The following WAC variants were observed in gnomAD, a reference collection of about 807,000 sequenced individuals.
The protein encoded by WAC is WW domain-containing adapter protein with coiled-coil.
WAC carries 11 observed loss-of-function variants against 79.6 expected under a neutral mutation model. The ratio of observed to expected loss-of-function variants is 0.14; its 90% confidence interval spans 0.09 to 0.23. The LOEUF (loss-of-function observed/expected upper bound fraction) is 0.23. Among genes scored for constraint, WAC ranks in the 10% least tolerant of loss-of-function variants. The probability of loss-of-function intolerance (pLI) is 1.00; values close to 1 mark genes in which losing one functional copy is unlikely to be tolerated. For missense variants in WAC, 728 were observed against 773.5 expected (o/e 0.94, Z 0.70); for synonymous variants, 304 against 276.9 (o/e 1.10, Z -0.97).
Position 28,590,764 on chromosome 10 carries a change from T to A in WAC, c.542T>A (p.Phe181Tyr). 2 of 1,611,954 alleles carry A rather than the reference T, an allele frequency of 1.2e-6. No homozygotes were observed. Among genetic ancestry groups the A allele is most frequent in the Non-Finnish European group, 1.7e-6 (2 of 1,179,480 alleles). The change falls in exon 6 of 14, where the codon TTC (phenylalanine) becomes TAC (tyrosine). Residue 181 changes from phenylalanine (F) to tyrosine (Y), a missense_variant. Physicochemically the swap from Phe to Tyr is conservative, Grantham distance 22. Coordinates refer to ENST00000354911, the MANE Select transcript of WAC (RefSeq NM_016628.5). ...GCAAACAAGATGGCAGTCAACAGCT[T>A]CCCAAAAGATAGGGATTACAGAAGA... ...KEANKMAVNSFPKDRDYRREV... is the reference protein window; with the variant it reads ...KEANKMAVNSYPKDRDYRREV...
chr10:28,559,746 G>A (rs1234759716), intron 3 of WAC, among the ~76,000 whole-genome samples: 1 of 152,172 alleles, frequency 6.6e-6, no homozygotes, highest in Non-Finnish European at 1.5e-5. Context: ...CTTGGTGTCA[G>A]TCTAGAACCC....
chr10:28,615,747 T>G (rs553576914), intron 11 of WAC: 1 of 155,792 alleles, frequency 6.4e-6, no homozygotes, highest in South Asian at 2.0e-4. Flanking sequence ...TGTATTTTGC[T>G]TCACATTATT....
Position 28,535,546 on chromosome 10 carries a change from G to C in WAC, c.79-16G>C. 2 of 1,529,438 alleles carry C rather than the reference G, an allele frequency of 1.3e-6. No homozygotes were observed. Among genetic ancestry groups the C allele is most frequent in the Non-Finnish European group, 1.8e-6 (2 of 1,133,638 alleles). The allele number at this position is 1,529,438 out of a possible 1,614,324, so 94.7% of individuals were successfully genotyped here. On this transcript the variant is annotated splice_polypyrimidine_tract_variant and intron_variant, in intron 2 of 13. Transcript: ENST00000354911. ...CAATTCTTTCTCTCTTTTTTTGGGGGGGTGATGTTTTACAGGCACTTAAGT... is the reference window on the plus strand; with the variant it reads ...CAATTCTTTCTCTCTTTTTTTGGGGCGGTGATGTTTTACAGGCACTTAAGT...
chr10:28,620,178 T>C lies in WAC; in HGVS notation c.*572T>C, dbSNP rs1264473009. On this transcript the variant is annotated 3_prime_UTR_variant, in exon 14 of 14. Transcript: ENST00000354911. ...GCAGAGAAATGTTTTTCATTTCCCGTGTGTTTCCATTTCCTTCTGAAATTC... is the reference window on the plus strand; with the variant it reads ...GCAGAGAAATGTTTTTCATTTCCCGCGTGTTTCCATTTCCTTCTGAAATTC... 6.6e-6 allele frequency: 1 copy of C among 152,644 alleles called. No individual in the cohort carries two copies. Among genetic ancestry groups the C allele is most frequent in the Non-Finnish European group, 1.5e-5 (1 of 68,038 alleles). 9.5% of individuals were successfully genotyped at this position (152,644 alleles called of 1,614,324 possible).
chr10:28,541,425 T>TG (rs1227231767), intron 3 of WAC, among the ~76,000 whole-genome samples: 41 of 137,608 alleles, frequency 3.0e-4, no homozygotes, highest in African/African-American at 1.0e-3. Flanking sequence ...GTTTTGTTTT[T>TG]TTTTTTTTTT....
At chr10:28,595,617 T>G (rs1840321454) in intron 6 of WAC, 116 bp from the exon 7 acceptor site, 2 of 1,014,276 alleles carry the variant, frequency 2.0e-6, no homozygotes, top group Non-Finnish European at 2.8e-6. Context: ...TAAAAGAATA[T>G]GTAAGTACAA....
At chr10:28,553,532 G>A (rs1329599533) in intron 3 of WAC, among the ~76,000 whole-genome samples, 1 of 151,950 alleles carries the variant, frequency 6.6e-6, no homozygotes, top group Admixed American at 6.6e-5. Flanking sequence ...TAAATGTATG[G>A]CTTTTTCTTT....
chr10:28,610,726 C>T lies in WAC; in HGVS notation c.1193C>T (p.Ser398Leu). ...EVLTAAVTQASLQSIIHKFLT... is the reference protein window; with the variant it reads ...EVLTAAVTQALLQSIIHKFLT... ...CTTACAGCAGCTGTGACACAAGCCT[C>T]ACTGCAGTCTATAATTCATAAGTTT... Residue 398 changes from serine to leucine, a missense_variant, in exon 9 of 14, where the codon TCA becomes TTA. Transcript: ENST00000354911. The T allele has an allele frequency of 6.2e-7, 1 of 1,610,994 alleles. No homozygotes were observed. The highest frequency in any genetic ancestry group is 8.5e-7 in the Non-Finnish European group (1 of 1,179,290).
intron 3 of WAC, among the ~76,000 whole-genome samples, chr10:28,573,519 A>G (rs941586218): frequency 1.4e-4 from 22 of 152,196 alleles, no homozygotes; most frequent in African/African-American, 5.1e-4. Flanking sequence ...CTCAGAGCCT[A>G]TAAGGTACAT....
chr10:28,616,497 TAAA>T (rs1425280146), intron 12 of WAC, 135 bp downstream of exon 12: 3 of 798,884 alleles, frequency 3.8e-6, no homozygotes, highest in Non-Finnish European at 5.4e-6. Context: ...TGTAGTCATT[TAAA>T]AAATATTTGA....
intron 3 of WAC, chr10:28,538,518 G>A (rs1000180830): frequency 6.6e-6 from 1 of 151,870 alleles, no homozygotes. Context: ...GGAGGTGGAG[G>A]TTGCAGTGAG....
chr10:28,543,161 C>G (rs553178549), intron 3 of WAC, among the ~76,000 whole-genome samples: 3 of 152,214 alleles, frequency 2.0e-5, no homozygotes, highest in Non-Finnish European at 2.9e-5. Context: ...TCCCAAAGAT[C>G]TGCCTTTTAA....
At chr10:28,583,721 G>A (rs1839661416) in intron 4 of WAC, among the ~76,000 whole-genome samples, 1 of 152,048 alleles carries the variant, frequency 6.6e-6, no homozygotes, top group Non-Finnish European at 1.5e-5. Flanking sequence ...TCAGAAGATA[G>A]TATCTTTGGT....
At chr10:28,544,699 C>G (rs1837255368) in intron 3 of WAC, among the ~76,000 whole-genome samples, 1 of 152,102 alleles carries the variant, frequency 6.6e-6, no homozygotes, top group Admixed American at 6.5e-5. Context: ...TGGGAACATT[C>G]TAACTTGGAA....
intron 2 of WAC, chr10:28,534,334 G>A (rs978782008): frequency 8.3e-6 from 3 of 363,160 alleles, no homozygotes; most frequent in Non-Finnish European, 1.5e-5. Flanking sequence ...GAATCGATGG[G>A]ATGAGATGAT....
intron 3 of WAC, 106 bp downstream of exon 3, chr10:28,535,863 T>G: frequency 1.0e-6 from 1 of 959,954 alleles, no homozygotes. Flanking sequence ...TTCAGTTATG[T>G]CATTAAAATA....
At position 28,620,667 on chromosome 10, in the gene WAC, G is replaced by T. The variant is rs898582456; in HGVS notation, c.*1061G>T. 6.6e-6 allele frequency: 1 copy of T among 152,162 alleles called. No homozygotes were observed. Among genetic ancestry groups the T allele is most frequent in the Admixed American group, 6.5e-5 (1 of 15,272 alleles). The allele number at this position is 152,162 out of a possible 1,614,324, so 9.4% of individuals were successfully genotyped here. A position where few individuals can be genotyped will look rare whatever the true frequency, so the allele number is the denominator to read the frequency against. On this transcript the variant is annotated 3_prime_UTR_variant, in exon 14 of 14. Coordinates refer to ENST00000354911, the MANE Select transcript of WAC (RefSeq NM_016628.5). ...GAAATAATTCCTTAAGGGAGGTTTT[G>T]TTTAAAACGTATTAACAGGAAATTG...
At chr10:28,610,977 A>G (rs1841213032) in intron 9 of WAC, 156 bp downstream of exon 9, 1 of 756,298 alleles carries the variant, frequency 1.3e-6, no homozygotes, top group African/African-American at 1.8e-5. Flanking sequence ...ACACTGGCAT[A>G]TACAGTAGTA....
At chr10:28,555,213 A>G (rs116565763) in intron 3 of WAC, among the ~76,000 whole-genome samples, 103 of 152,114 alleles carry the variant, frequency 6.8e-4, no homozygotes, top group African/African-American at 2.3e-3. Flanking sequence ...CTTCTGCTCA[A>G]AACCCTCTCA....
Sources: allele counts gnomAD v4.1 joint callset (sites outside exome capture counted in the v4.1 genomes callset), GRCh38; gene constraint gnomAD v4.1.1; transcripts MANE v1.5; gene names NCBI Gene and HGNC (gene_info 2026-07-23, HGNC 2026-07-21).